Variants in REDIC1 observed in about 807,000 individuals in gnomAD.
REDIC1 encodes HEI10 Interacting Protein 1.
the REDIC1 span, among the ~76,000 whole-genome samples, chr12:39,898,870 C>T: frequency 6.6e-6 from 1 of 152,052 alleles, no homozygotes; most frequent in Non-Finnish European, 1.5e-5. Flanking sequence ...ATGTTCTTCA[C>T]CCTTGTATAT....
the REDIC1 span, among the ~76,000 whole-genome samples, chr12:39,670,031 C>T: frequency 1.3e-5 from 2 of 152,132 alleles, no homozygotes; most frequent in African/African-American, 4.8e-5. Flanking sequence ...TGCTTAGGCT[C>T]ACTCTGGATG....
the REDIC1 span, chr12:39,683,311 C>A: frequency 1.8e-6 from 2 of 1,101,812 alleles, no homozygotes; most frequent in Non-Finnish European, 2.6e-6. Flanking sequence ...ACATTGTGGA[C>A]CAGTGGTTTT....
At chr12:39,897,816 T>C in the REDIC1 span, among the ~76,000 whole-genome samples, 2 of 152,132 alleles carry the variant, frequency 1.3e-5, no homozygotes, top group African/African-American at 2.4e-5. Flanking sequence ...TTTGAAGACT[T>C]TTTTCTATAA....
At chr12:39,687,664 C>G in the REDIC1 span, among the ~76,000 whole-genome samples, 1 of 152,128 alleles carries the variant, frequency 6.6e-6, no homozygotes, top group Admixed American at 6.5e-5. Context: ...TGAGATTTGC[C>G]GGGGGGTACC....
At chr12:39,821,595 C>T in the REDIC1 span, among the ~76,000 whole-genome samples, 1 of 152,130 alleles carries the variant, frequency 6.6e-6, no homozygotes. Flanking sequence ...TGCTTCTGTT[C>T]CACATTTTCT....
the REDIC1 span, among the ~76,000 whole-genome samples, chr12:39,813,967 G>A: frequency 4.6e-5 from 7 of 152,216 alleles, no homozygotes; most frequent in South Asian, 1.0e-3. Context: ...TTTCAATCTT[G>A]GACAATTTCC....
At chr12:39,733,069 G>GCACACACACACA in the REDIC1 span, among the ~76,000 whole-genome samples, 381 of 148,446 alleles carry the variant, frequency 2.6e-3, no homozygotes, top group South Asian at 9.7e-3. Context: ...GCAGAAAAAT[G>GCACACACACACA]CACACACACA....
chr12:39,811,329 T>C, the REDIC1 span, among the ~76,000 whole-genome samples: 2 of 152,026 alleles, frequency 1.3e-5, no homozygotes, highest in African/African-American at 2.4e-5. Flanking sequence ...ACTACCATTA[T>C]ATCTTTCCTT....
chr12:39,884,316 T>A, the REDIC1 span, among the ~76,000 whole-genome samples: 1 of 152,154 alleles, frequency 6.6e-6, no homozygotes, highest in Admixed American at 6.5e-5. Context: ...GAAATTATAA[T>A]CACAAGGAAC....
chr12:39,674,916 C>T, the REDIC1 span, among the ~76,000 whole-genome samples: 1 of 152,112 alleles, frequency 6.6e-6, no homozygotes, highest in East Asian at 1.9e-4. Flanking sequence ...CGGTGGGGTG[C>T]GAATGGGAAA....
the REDIC1 span, among the ~76,000 whole-genome samples, chr12:39,713,738 T>C: frequency 1.3e-5 from 2 of 149,524 alleles, no homozygotes; most frequent in Admixed American, 6.7e-5. Flanking sequence ...CGTATATACA[T>C]ATGTATATAT....
chr12:39,662,517 G>C, the REDIC1 span, among the ~76,000 whole-genome samples: 372 of 42,368 alleles, frequency 8.8e-3, 1 homozygote, highest in African/African-American at 0.041. Flanking sequence ...TCAAATCTAA[G>C]AGCTTTTTTT....
the REDIC1 span, among the ~76,000 whole-genome samples, chr12:39,675,544 A>C: frequency 1.3e-5 from 2 of 152,216 alleles, no homozygotes; most frequent in African/African-American, 4.8e-5. Flanking sequence ...GCCTGCTCCA[A>C]AGAAGGAGAA....
the REDIC1 span, among the ~76,000 whole-genome samples, chr12:39,699,389 C>T: frequency 1.7e-4 from 26 of 152,172 alleles, no homozygotes; most frequent in South Asian, 4.1e-4. Flanking sequence ...TGCGCTTTTC[C>T]GACGGGCTTA....
At chr12:39,722,128 T>G in the REDIC1 span, among the ~76,000 whole-genome samples, 2 of 152,230 alleles carry the variant, frequency 1.3e-5, no homozygotes, top group Admixed American at 1.3e-4. Context: ...GAGGTTTCTT[T>G]GCCTTTAAAG....
the REDIC1 span, among the ~76,000 whole-genome samples, chr12:39,868,479 A>G: frequency 2.6e-5 from 4 of 152,226 alleles, no homozygotes; most frequent in Middle Eastern, 3.2e-3. Flanking sequence ...CACCTAGGGA[A>G]TGTGTCTAAA....
the REDIC1 span, among the ~76,000 whole-genome samples, chr12:39,907,422 A>C: frequency 1.3e-5 from 2 of 152,144 alleles, no homozygotes; most frequent in African/African-American, 4.8e-5. Context: ...GACTCCAAAA[A>C]TCTTTTTGTG....
chr12:39,894,335 A>G, the REDIC1 span, among the ~76,000 whole-genome samples: 1 of 152,244 alleles, frequency 6.6e-6, no homozygotes, highest in Non-Finnish European at 1.5e-5. Flanking sequence ...TGATTAGTAG[A>G]ACATTTGTGA....
chr12:39,710,034 A>T, the REDIC1 span, among the ~76,000 whole-genome samples: 1 of 151,608 alleles, frequency 6.6e-6, no homozygotes, highest in African/African-American at 2.4e-5. Flanking sequence ...GTGTGAGGTG[A>T]TATTTCATTT....
Sources: allele counts gnomAD v4.1 joint callset (sites outside exome capture counted in the v4.1 genomes callset), GRCh38; gene constraint gnomAD v4.1.1; transcripts MANE v1.5; gene names NCBI Gene and HGNC (gene_info 2026-07-23, HGNC 2026-07-21).